The following KCTD1 variants were observed in gnomAD, a reference collection of about 807,000 sequenced individuals.
The protein encoded by KCTD1 is BTB/POZ domain-containing protein KCTD1.
Under a neutral mutation model 66.0 loss-of-function variants are expected in KCTD1, and 24 were observed. That is an observed-to-expected ratio of 0.36 (90% confidence interval 0.26 to 0.51). The LOEUF (loss-of-function observed/expected upper bound fraction) is 0.51, where lower values mean the gene tolerates loss of function less well. Among genes scored for constraint, KCTD1 ranks in the 20% least tolerant of loss-of-function variants. KCTD1 has a pLI of 0.95. For synonymous variants in KCTD1, 511 were observed against 517.2 expected (o/e 0.99, Z 0.16); for missense variants, 943 against 1,205.2 (o/e 0.78, Z 3.22).
chr18:26,632,368 AG>A (rs1267111568), upstream of KCTD1, among the ~76,000 whole-genome samples: 4 of 152,228 alleles, frequency 2.6e-5, no homozygotes, highest in African/African-American at 9.6e-5. Context: ...CCTGGGTGAC[AG>A]AGTGAGACTC....
upstream of KCTD1, among the ~76,000 whole-genome samples, chr18:26,629,907 G>A (rs894442790): frequency 4.6e-5 from 7 of 151,888 alleles, no homozygotes; most frequent in African/African-American, 1.2e-4. Flanking sequence ...TAGTAGAGAC[G>A]GGGTTTCACC....
chr18:26,547,553 C>A lies in KCTD1; in HGVS notation c.984G>T (p.Glu328Asp). 6.4e-7 allele frequency: 1 copy of A among 1,551,674 alleles called. No individual in the cohort carries two copies. The highest frequency in any genetic ancestry group is 1.2e-5 in the South Asian group (1 of 84,066). Residue 328 changes from glutamate to aspartate, a missense_variant, in exon 1 of 5, where the codon GAG (glutamate) becomes GAT (aspartate). By Grantham distance (45) the Glu-to-Asp change is conservative. This residue lies in a region of KCTD1 where 3 missense variants were observed against 23.6 expected (regional missense o/e 0.13). Coordinates refer to ENST00000580059, the MANE Select transcript of KCTD1 (RefSeq NM_001142730.3). ...CCAGCCCAAAAGAGTCCTCCTCCAA[C>A]TCACGCTGGTTCTCGCGGCCGCGGG... The part of the protein sequence containing the change: ...FCTRGRENQR[E>D]LEEDSFGLAM...
chr18:26,572,638 A>G (rs566027761), intron 1 of KCTD1, among the ~76,000 whole-genome samples: 1 of 152,350 alleles, frequency 6.6e-6, no homozygotes, highest in African/African-American at 2.4e-5. Context: ...CTTTTGATGC[A>G]GGGACTGCAA....
chr18:26,622,443 C>T (rs1236245698), intron 1 of KCTD1, among the ~76,000 whole-genome samples: 1 of 152,184 alleles, frequency 6.6e-6, no homozygotes, highest in Non-Finnish European at 1.5e-5. Flanking sequence ...TCTTTCCCAG[C>T]GTCCATGCCT....
In KCTD1 at chr18:26,612,172, A is replaced by G. The variant is rs150081406; in HGVS notation, c.-16+16975T>C. Among the ~76,000 whole-genome samples, 426 of 152,182 alleles carry G rather than the reference A, an allele frequency of 2.8e-3. 2 individuals are homozygous for G. The highest frequency in any genetic ancestry group is 6.8e-3 in the Middle Eastern group (2 of 294). On this transcript the variant is annotated intron_variant, in intron 1 of 4. Transcript: ENST00000317932. ...TCTGTTAAATAATGCAGGGGACCCA[A>G]TGCAGACCCCAGGGCTTCTCTCTGT...
intron 4 of KCTD1, 32 bp from the exon 5 acceptor site, chr18:26,455,933 G>T: frequency 1.2e-6 from 2 of 1,604,932 alleles, no homozygotes; most frequent in Non-Finnish European, 1.7e-6. Flanking sequence ...ATCCAGTTAG[G>T]GGTGAGGTAA....
At chr18:26,595,022 T>A (rs1377050072) in intron 1 of KCTD1, among the ~76,000 whole-genome samples, 1 of 152,004 alleles carries the variant, frequency 6.6e-6, no homozygotes, top group Non-Finnish European at 1.5e-5. Flanking sequence ...ACTTTTCCTC[T>A]CCCCACTCTT....
chr18:26,647,519 CAAAAAAAAAAAAAAAAAAA>C (rs57856118), intron 1 of KCTD1, among the ~76,000 whole-genome samples: 4 of 57,318 alleles, frequency 7.0e-5, no homozygotes, highest in Admixed American at 3.0e-4. Flanking sequence ...GACTCCATCT[CAAAAAAAAAAAAAAAAAAA>C]AAAAAAAAAA....
intron 1 of KCTD1, among the ~76,000 whole-genome samples, chr18:26,621,751 C>T (rs1311263453): frequency 1.3e-5 from 2 of 152,234 alleles, no homozygotes; most frequent in African/African-American, 4.8e-5. Flanking sequence ...TTAAAAGGCA[C>T]TGGAAGACCC....
rs546289943 is a variant in KCTD1, at chr18:26,590,942, T to G, written c.-16+38205A>C. Among the ~76,000 whole-genome samples, 9 of 152,332 alleles carry G rather than the reference T, an allele frequency of 5.9e-5. No individual in the cohort carries two copies. The South Asian group carries it at 1.9e-3, about 32-fold the overall frequency. Reference sequence around the variant, plus strand: ...TGGTGAACCCCAAATCATTGCTGCTTGTTTGACACACCAGGAATGCTTATT... The same window carrying G: ...TGGTGAACCCCAAATCATTGCTGCTGGTTTGACACACCAGGAATGCTTATT... On this transcript the variant is annotated intron_variant, in intron 1 of 4. Transcript: ENST00000317932.
At chr18:26,539,683 C>T in intron 1 of KCTD1, among the ~76,000 whole-genome samples, 1 of 152,116 alleles carries the variant, frequency 6.6e-6, no homozygotes, top group East Asian at 1.9e-4. Context: ...CTGCCTGGAT[C>T]TGGTCTAACA....
intron 1 of KCTD1, among the ~76,000 whole-genome samples, chr18:26,554,109 A>G (rs1033173952): frequency 6.6e-6 from 1 of 150,692 alleles, no homozygotes; most frequent in Non-Finnish European, 1.5e-5. Flanking sequence ...AGAAGGAAGG[A>G]GGGAAAGAAA....
chr18:26,590,058 C>CATAATAA (rs2144941825), intron 1 of KCTD1, among the ~76,000 whole-genome samples: 1 of 152,246 alleles, frequency 6.6e-6, no homozygotes, highest in Non-Finnish European at 1.5e-5. Flanking sequence ...CTCTGTACTT[C>CATAATAA]ATAAGTGAAT....
intron 1 of KCTD1, among the ~76,000 whole-genome samples, chr18:26,536,713 C>A (rs1460382218): frequency 6.6e-6 from 1 of 152,182 alleles, no homozygotes. Context: ...TTATTCTTCA[C>A]CTCCAAGTTC....
chr18:26,563,240 C>T (rs369548766), intron 1 of KCTD1, among the ~76,000 whole-genome samples: 12 of 152,182 alleles, frequency 7.9e-5, no homozygotes, highest in East Asian at 3.9e-4. Flanking sequence ...AGCCTGCAAA[C>T]GTGTCCAGGC....
Position 26,480,619 on chromosome 18 carries a change from T to G in KCTD1, c.1989-3960A>C, listed in dbSNP as rs190035272. 2.8e-3 allele frequency among the ~76,000 whole-genome samples: 425 copies of G among 152,118 alleles called. 1 individual carries two copies. The highest frequency in any genetic ancestry group is 9.7e-3 in the African/African-American group (402 of 41,500). On this transcript the variant is annotated intron_variant, in intron 2 of 4. Transcript: ENST00000580059. ...CCTGTCTCTACTAAAAATACAAAAA[T>G]TAGCCGGGCGTGGTGGCACGCACCT...
intron 1 of KCTD1, among the ~76,000 whole-genome samples, chr18:26,635,863 G>A (rs1484115638): frequency 6.6e-6 from 1 of 152,130 alleles, no homozygotes; most frequent in Non-Finnish European, 1.5e-5. Flanking sequence ...AAAGAGCCCT[G>A]GGAGATAGGT....
chr18:26,590,431 T>C (rs186698771), intron 1 of KCTD1, among the ~76,000 whole-genome samples: 4 of 152,270 alleles, frequency 2.6e-5, no homozygotes, highest in South Asian at 2.1e-4. Flanking sequence ...ATTAGACCAT[T>C]TCTGAGTCTG....
At chr18:26,561,315 A>G (rs1985843331) in intron 1 of KCTD1, among the ~76,000 whole-genome samples, 2 of 152,186 alleles carry the variant, frequency 1.3e-5, no homozygotes, top group South Asian at 4.2e-4. Context: ...CTTATTCTCC[A>G]TGCTTTGGTG....
Sources: allele counts gnomAD v4.1 joint callset (sites outside exome capture counted in the v4.1 genomes callset), GRCh38; gene constraint gnomAD v4.1.1; regional missense constraint gnomAD v4.1.1; transcripts MANE v1.5; gene names NCBI Gene and HGNC (gene_info 2026-07-23, HGNC 2026-07-21).